The following PTPRD variants were observed in gnomAD, a reference collection of about 807,000 sequenced individuals.
PTPRD encodes the protein protein tyrosine phosphatase receptor type D.
In PTPRD, 34 loss-of-function variants were observed where a neutral mutation model predicts 214.5. The observed-to-expected ratio is 0.16, with a 90% CI of 0.12 to 0.21. The LOEUF (loss-of-function observed/expected upper bound fraction) is 0.21. Among genes scored for constraint, PTPRD ranks in the 10% least tolerant of loss-of-function variants. The pLI, the probability that PTPRD is intolerant of heterozygous loss-of-function variation, is 1.00. For missense variants in PTPRD, 2,545 were observed against 2,398.7 expected (o/e 1.06, Z -1.27); for synonymous variants, 1,128 against 845.7 (o/e 1.33, Z -5.79).
intron 3 of PTPRD, among the ~76,000 whole-genome samples, chr9:10,046,775 C>T (rs1320061519): frequency 2.6e-5 from 4 of 151,892 alleles, no homozygotes; most frequent in Non-Finnish European, 5.9e-5. Flanking sequence ...TGCTGTTATT[C>T]TGAATAATAT....
At chr9:8,406,257 T>C (rs1174444744) in intron 35 of PTPRD, among the ~76,000 whole-genome samples, 1 of 152,204 alleles carries the variant, frequency 6.6e-6, no homozygotes, top group Non-Finnish European at 1.5e-5. Flanking sequence ...AGCATTCAGA[T>C]GTCCTGGTGG....
At chr9:8,551,603 C>G (rs2082129136) in intron 14 of PTPRD, among the ~76,000 whole-genome samples, 1 of 152,182 alleles carries the variant, frequency 6.6e-6, no homozygotes, top group Non-Finnish European at 1.5e-5. Context: ...TAAGTAGCTT[C>G]AGATTACAAC....
At chr9:8,442,977 C>T (rs1243275921) in intron 34 of PTPRD, among the ~76,000 whole-genome samples, 1 of 152,108 alleles carries the variant, frequency 6.6e-6, no homozygotes, top group Non-Finnish European at 1.5e-5. Context: ...CCCGTTTCTG[C>T]AACAAAAATT....
chr9:9,325,190 C>T (rs1224356246), intron 9 of PTPRD, among the ~76,000 whole-genome samples: 1 of 152,070 alleles, frequency 6.6e-6, no homozygotes, highest in East Asian at 1.9e-4. Flanking sequence ...TTTTTGGTTC[C>T]ATATGAACTT....
chr9:10,519,802 G>A (rs752543175), intron 2 of PTPRD, among the ~76,000 whole-genome samples: 38 of 151,548 alleles, frequency 2.5e-4, no homozygotes, highest in South Asian at 1.2e-3. Context: ...TCATTGTTTC[G>A]GGGACTCATA....
chr9:9,741,209 T>G (rs1262197747), intron 6 of PTPRD, among the ~76,000 whole-genome samples: 4 of 152,170 alleles, frequency 2.6e-5, no homozygotes, highest in Admixed American at 1.3e-4. Context: ...TACATGTAAA[T>G]CTGTGGCTCA....
At chr9:8,392,128 T>C (rs1239640342) in intron 36 of PTPRD, among the ~76,000 whole-genome samples, 3 of 152,078 alleles carry the variant, frequency 2.0e-5, no homozygotes, top group Non-Finnish European at 4.4e-5. Flanking sequence ...TTCATGCCTA[T>C]AATCCCAACA....
intron 14 of PTPRD, among the ~76,000 whole-genome samples, chr9:8,555,908 G>A (rs2083596766): frequency 6.6e-6 from 1 of 152,148 alleles, no homozygotes. Context: ...GCACCCTTGG[G>A]GAAGCATGGG....
At position 9,639,217 on chromosome 9, in the gene PTPRD, T is replaced by C. The variant is rs188507630; in HGVS notation, c.-286-64436A>G. 4.5e-4 allele frequency among the ~76,000 whole-genome samples: 68 copies of C among 152,326 alleles called. No homozygotes were observed. In the East Asian group the frequency reaches 9.3e-3, roughly 21 times the overall value. ...TGTGTTAATATTATTTATCTCAGTC[T>C]TAGATCCTAAGCTCCATGAAAGTAG... On this transcript the variant is annotated intron_variant, in intron 7 of 45. Transcript: ENST00000381196.
intron 3 of PTPRD, among the ~76,000 whole-genome samples, chr9:10,054,971 G>A (rs979456141): frequency 1.1e-4 from 17 of 151,360 alleles, no homozygotes; most frequent in African/African-American, 2.2e-4. Context: ...CATGGGATTC[G>A]TGTCCATATT....
At chr9:10,157,481 T>C (rs183467822) in intron 3 of PTPRD, among the ~76,000 whole-genome samples, 1 of 152,166 alleles carries the variant, frequency 6.6e-6, no homozygotes, top group East Asian at 1.9e-4. Flanking sequence ...TGGATAGTAG[T>C]GTCTCTGCTG....
At chr9:9,706,444 C>CTT (rs111909243) in intron 7 of PTPRD, among the ~76,000 whole-genome samples, 1 of 145,000 alleles carries the variant, frequency 6.9e-6, no homozygotes, top group Non-Finnish European at 1.5e-5. Flanking sequence ...TTTGCTAACT[C>CTT]TTTTTTTTTT....
chr9:8,779,548 TA>T (rs1390401124), intron 11 of PTPRD, among the ~76,000 whole-genome samples: 1 of 152,138 alleles, frequency 6.6e-6, no homozygotes, highest in East Asian at 1.9e-4. Context: ...TACATATTAT[TA>T]CAACTAGGAA....
chr9:9,007,365 G>C (rs1029239732), intron 11 of PTPRD, among the ~76,000 whole-genome samples: 1 of 150,748 alleles, frequency 6.6e-6, no homozygotes, highest in African/African-American at 2.4e-5. Context: ...GGAGGGTGTA[G>C]TCTCCATTAC....
At chr9:10,048,954 A>G (rs1771560118) in intron 3 of PTPRD, among the ~76,000 whole-genome samples, 1 of 152,104 alleles carries the variant, frequency 6.6e-6, no homozygotes, top group Admixed American at 6.6e-5. Context: ...ATTATAAGGT[A>G]TTTGAGTGAT....
At chr9:9,255,876 G>C (rs536349038) in intron 9 of PTPRD, among the ~76,000 whole-genome samples, 3 of 152,056 alleles carry the variant, frequency 2.0e-5, no homozygotes, top group Admixed American at 2.0e-4. Flanking sequence ...TTTGACTTCA[G>C]GATTCAGAGA....
At chr9:9,471,347 T>C (rs1356900496) in intron 8 of PTPRD, among the ~76,000 whole-genome samples, 3 of 152,158 alleles carry the variant, frequency 2.0e-5, no homozygotes, top group Non-Finnish European at 2.9e-5. Context: ...ACAGTGACAA[T>C]AGCAATAGGA....
chr9:9,626,481 T>C (rs1008501783), intron 7 of PTPRD, among the ~76,000 whole-genome samples: 7 of 152,162 alleles, frequency 4.6e-5, no homozygotes, highest in African/African-American at 1.4e-4. Context: ...CGATCTCAAA[T>C]GGCTTCAAAT....
intron 9 of PTPRD, among the ~76,000 whole-genome samples, chr9:9,207,557 G>C (rs1216111626): frequency 6.6e-6 from 1 of 152,112 alleles, no homozygotes; most frequent in Admixed American, 6.5e-5. Context: ...GTCGAGCTTT[G>C]TAAAAATCAA....
Sources: allele counts gnomAD v4.1 joint callset (sites outside exome capture counted in the v4.1 genomes callset), GRCh38; gene constraint gnomAD v4.1.1; transcripts MANE v1.5; gene names NCBI Gene and HGNC (gene_info 2026-07-23, HGNC 2026-07-21).